Variants in CLIC5 observed in about 807,000 individuals in gnomAD.
CLIC5 encodes CLIC family member 5.
In CLIC5, 20 loss-of-function variants were observed where a neutral mutation model predicts 24.7. The observed-to-expected ratio is 0.81, with a 90% confidence interval of 0.57 to 1.18. The LOEUF (loss-of-function observed/expected upper bound fraction) is 1.18, where lower values mean the gene tolerates loss of function less well. CLIC5 is among the 50% of genes most tolerant of loss of function. The pLI is 0.00. For synonymous variants in CLIC5, 159 were observed against 135.6 expected (o/e 1.17, Z -1.20); for missense variants, 341 against 326.1 (o/e 1.05, Z -0.35).
chr6:46,015,829 C>A lies in CLIC5; in HGVS notation c.-287G>T, dbSNP rs116332814. The stretch of plus-strand genomic sequence containing the variant: ...GTGGGAGCAACAAGTGCCGGGCTGC[C>A]CGGAGGTGTCACAGGATCCGCGACT... On this transcript the variant is annotated 5_prime_UTR_variant, in exon 1 of 6. Transcript: ENST00000339561. The A allele has an allele frequency of 3.3e-3, 3,844 of 1,151,280 alleles. 115 individuals carry two copies. The African/African-American group carries it at 0.057, about 17-fold the overall frequency. The allele number at this position is 1,151,280 out of a possible 1,614,324, so 71.3% of individuals were successfully genotyped here. A position where few individuals can be genotyped will look rare whatever the true frequency, so the allele number is the denominator to read the frequency against.
chr6:46,074,499 T>C (rs1762713161), intron 1 of CLIC5, among the ~76,000 whole-genome samples: 1 of 152,220 alleles, frequency 6.6e-6, no homozygotes, highest in Non-Finnish European at 1.5e-5. Flanking sequence ...TTCTGTTGCC[T>C]GACTTCAACA....
intron 1 of CLIC5, among the ~76,000 whole-genome samples, chr6:45,959,277 T>C (rs1040136214): frequency 2.6e-5 from 4 of 152,248 alleles, no homozygotes; most frequent in Non-Finnish European, 5.9e-5. Context: ...ATGATAGTTA[T>C]TGATATTTAC....
intron 5 of CLIC5, among the ~76,000 whole-genome samples, chr6:45,908,472 T>G (rs1035327516): frequency 1.1e-4 from 16 of 152,202 alleles, no homozygotes; most frequent in African/African-American, 3.1e-4. Context: ...GTATGTTGTG[T>G]CTTTGTTTTC....
At position 46,065,360 on chromosome 6, in the gene CLIC5, TTA is replaced by T. The variant is rs1491211301; in HGVS notation, c.540+14341_540+14342del. Reference sequence around the variant, plus strand: ...CAATTTTCAAGGTTTTTTTTTTTTTTTAAAAAAAAGGTTAAACATTCACTAAC... The same window carrying T: ...CAATTTTCAAGGTTTTTTTTTTTTTTAAAAAAAGGTTAAACATTCACTAAC... On this transcript the variant is annotated intron_variant, in intron 1 of 5. Transcript: ENST00000185206. 8.6e-3 allele frequency among the ~76,000 whole-genome samples: 1,232 copies of T among 142,542 alleles called. 12 individuals are homozygous for T. Among genetic ancestry groups the T allele is most frequent in the African/African-American group, 0.026 (1,016 of 39,656 alleles). The allele number at this position is 142,542 out of a possible 152,430, so 93.5% of individuals were successfully genotyped here.
At chr6:45,937,035 G>A (rs1763961941) in intron 4 of CLIC5, among the ~76,000 whole-genome samples, 1 of 152,058 alleles carries the variant, frequency 6.6e-6, no homozygotes, top group South Asian at 2.1e-4. Context: ...GCCTAAACAC[G>A]GAGCACAGAA....
chr6:46,104,601 T>G, the CLIC5 span, among the ~76,000 whole-genome samples: 1 of 151,454 alleles, frequency 6.6e-6, no homozygotes, highest in Non-Finnish European at 1.5e-5. Flanking sequence ...ACCACTTTGT[T>G]CCAAGCCTGG....
chr6:46,093,870 C>G, the CLIC5 span, among the ~76,000 whole-genome samples: 2 of 152,210 alleles, frequency 1.3e-5, no homozygotes, highest in African/African-American at 4.8e-5. Context: ...TGTTCTCACA[C>G]TGCTGTAAAG....
chr6:46,010,973 C>T lies in CLIC5; in HGVS notation c.63+4507G>A, dbSNP rs9472660. Reference sequence around the variant, plus strand: ...GTAGCTCAGGGACATAGAGGCGACACCACAAGATCTGATCCTATCTGTTCT... The same window carrying T: ...GTAGCTCAGGGACATAGAGGCGACATCACAAGATCTGATCCTATCTGTTCT... On this transcript the variant is annotated intron_variant, in intron 1 of 5. Coordinates refer to ENST00000339561, the MANE Select transcript of CLIC5 (RefSeq NM_016929.5). Among the ~76,000 whole-genome samples the T allele has an allele frequency of 1.6e-3, 249 of 152,312 alleles. 1 individual carries two copies. The highest frequency in any genetic ancestry group is 5.6e-3 in the African/African-American group (233 of 41,572).
chr6:46,100,044 G>C, the CLIC5 span, among the ~76,000 whole-genome samples: 1 of 151,622 alleles, frequency 6.6e-6, no homozygotes, highest in Non-Finnish European at 1.5e-5. Flanking sequence ...TTGCCAACCA[G>C]TTTTCTTCTC....
At chr6:46,028,839 A>G (rs1279630456) in intron 1 of CLIC5, among the ~76,000 whole-genome samples, 2 of 152,188 alleles carry the variant, frequency 1.3e-5, no homozygotes, top group African/African-American at 2.4e-5. Context: ...TTCATTAGAT[A>G]GTTTACATTT....
At chr6:46,031,044 T>G (rs935212482) in intron 1 of CLIC5, among the ~76,000 whole-genome samples, 1 of 152,250 alleles carries the variant, frequency 6.6e-6, no homozygotes, top group Non-Finnish European at 1.5e-5. Context: ...CTAGCACAGA[T>G]GCAGGCACAT....
At chr6:46,098,641 C>G in the CLIC5 span, among the ~76,000 whole-genome samples, 6 of 152,278 alleles carry the variant, frequency 3.9e-5, no homozygotes, top group Admixed American at 2.0e-4. Context: ...GAAACATAGC[C>G]TTTGCAAGGA....
intron 1 of CLIC5, among the ~76,000 whole-genome samples, chr6:46,051,854 C>G (rs1020883230): frequency 6.6e-6 from 1 of 152,084 alleles, no homozygotes; most frequent in Non-Finnish European, 1.5e-5. Flanking sequence ...CCTAATGGCA[C>G]CCAGCTATTA....
At chr6:45,943,476 C>T (rs930859136) in intron 3 of CLIC5, among the ~76,000 whole-genome samples, 2 of 152,232 alleles carry the variant, frequency 1.3e-5, no homozygotes, top group African/African-American at 4.8e-5. Context: ...TACCAAGACA[C>T]AGGAATTCAG....
chr6:46,050,120 G>A (rs1038796946), intron 1 of CLIC5, among the ~76,000 whole-genome samples: 2 of 152,114 alleles, frequency 1.3e-5, no homozygotes, highest in Non-Finnish European at 2.9e-5. Flanking sequence ...ATGTCACTGG[G>A]CTGTTTATTC....
chr6:45,933,271 G>A (rs1361241044), intron 4 of CLIC5, among the ~76,000 whole-genome samples: 3 of 152,144 alleles, frequency 2.0e-5, no homozygotes, highest in Admixed American at 6.5e-5. Context: ...ACACTCCCTC[G>A]CCCTCTGGTA....
chr6:45,950,938 A>AT (rs1764449736), intron 2 of CLIC5, among the ~76,000 whole-genome samples: 1 of 152,178 alleles, frequency 6.6e-6, no homozygotes, highest in South Asian at 2.1e-4. Context: ...AATTGTGCCT[A>AT]TTTTTAAAAA....
chr6:45,931,615 CTTTG>C (rs1304701536), intron 4 of CLIC5, among the ~76,000 whole-genome samples: 2 of 152,124 alleles, frequency 1.3e-5, no homozygotes, highest in South Asian at 2.1e-4. Flanking sequence ...AGTGAAAACA[CTTTG>C]TTTAAGTGAT....
At chr6:46,090,757 T>C in the CLIC5 span, among the ~76,000 whole-genome samples, 13 of 152,222 alleles carry the variant, frequency 8.5e-5, no homozygotes, top group African/African-American at 1.4e-4. Flanking sequence ...TTTTCAAATA[T>C]ACAATGCATT....
Sources: gnomAD v4.1 joint callset for allele counts (sites outside exome capture counted in the v4.1 genomes callset) on GRCh38, gnomAD v4.1.1 for gene constraint, MANE v1.5 for transcripts, NCBI Gene and HGNC (gene_info 2026-07-23, HGNC 2026-07-21) for gene names.